Variants in CELF2 observed in about 807,000 individuals in gnomAD.
CELF2 encodes the protein CUG triplet repeat RNA-binding protein 2.
CELF2 carries 8 observed loss-of-function variants against 62.6 expected under a neutral mutation model. The observed-to-expected ratio is 0.13, with a 90% CI of 0.07 to 0.23. The LOEUF (loss-of-function observed/expected upper bound fraction) is 0.23. Among genes scored for constraint, CELF2 ranks in the 10% least tolerant of loss-of-function variants. CELF2 has a pLI of 1.00. For missense variants in CELF2, 333 were observed against 671.0 expected, an observed-to-expected ratio of 0.50 and a Z score of 5.56; for synonymous variants, 258 against 250.0, an observed-to-expected ratio of 1.03 and a Z score of -0.30.
intron 2 of CELF2, among the ~76,000 whole-genome samples, chr10:10,937,130 T>A (rs2077824852): frequency 7.0e-6 from 1 of 142,836 alleles, no homozygotes; most frequent in Admixed American, 6.9e-5. Context: ...TCTTTTTTTT[T>A]TTTTTTTTTT....
intron 1 of CELF2, among the ~76,000 whole-genome samples, chr10:10,815,276 T>TAAAG: frequency 6.6e-6 from 1 of 152,198 alleles, no homozygotes; most frequent in Non-Finnish European, 1.5e-5. Context: ...ATTTTACCTT[T>TAAAG]GGGCAACTGG....
chr10:11,144,785 G>A (rs924391255), intron 1 of CELF2, among the ~76,000 whole-genome samples: 18 of 151,474 alleles, frequency 1.2e-4, no homozygotes, highest in Admixed American at 5.9e-4. Flanking sequence ...CCAGCTACTC[G>A]GGAGGCTGAA....
intron 1 of CELF2, among the ~76,000 whole-genome samples, chr10:10,859,248 G>T (rs1395836551): frequency 6.6e-6 from 1 of 151,994 alleles, no homozygotes; most frequent in African/African-American, 2.4e-5. Flanking sequence ...TCAGACCAAG[G>T]CTTGGTTGAG....
At chr10:10,736,381 TTTCTTTCTTTCTTTC>T in the CELF2 span, among the ~76,000 whole-genome samples, 92 of 100,290 alleles carry the variant, frequency 9.2e-4, 1 homozygote, top group Non-Finnish European at 1.4e-3. Flanking sequence ...TCTTTCTTTC[TTTCTTTCTTTCTTTC>T]TTTTTTTTTT....
chr10:10,601,726 T>G, the CELF2 span, among the ~76,000 whole-genome samples: 1 of 140,948 alleles, frequency 7.1e-6, no homozygotes. Flanking sequence ...GGGTTCATTC[T>G]TTTTTTTTTT....
chr10:10,581,398 G>A, the CELF2 span, among the ~76,000 whole-genome samples: 48,022 of 152,006 alleles, frequency 0.32, 7,988 homozygotes, highest in East Asian at 0.6. Flanking sequence ...GGGAAGTCCA[G>A]AGTGCTAGAA....
At chr10:10,924,281 C>CAAAAAAAAAAAAAAAAA (rs11415164) in intron 2 of CELF2, among the ~76,000 whole-genome samples, 2 of 45,092 alleles carry the variant, frequency 4.4e-5, no homozygotes, top group African/African-American at 8.6e-5. Context: ...GACTCCGTCC[C>CAAAAAAAAAAAAAAAAA]AAAAAAAAAA....
In CELF2 at chr10:10,986,836, G is replaced by A. The variant is rs115090195; in HGVS notation, c.89+66837G>A. On this transcript the variant is annotated intron_variant, in intron 2 of 13. Transcript: ENST00000636488. ...TAGCGTCAGCACTACAAGGTCACGC[G>A]TTCTTACCACCAAATATAATGGGTT... 4.4e-3 allele frequency among the ~76,000 whole-genome samples: 675 copies of A among 152,286 alleles called. 3 individuals carry two copies. The highest frequency in any genetic ancestry group is 0.016 in the African/African-American group (645 of 41,578).
intron 2 of CELF2, among the ~76,000 whole-genome samples, chr10:11,208,139 C>T (rs2060884908): frequency 6.6e-6 from 1 of 152,014 alleles, no homozygotes; most frequent in Non-Finnish European, 1.5e-5. Context: ...GACTTGGGGG[C>T]AGCCTGCTAA....
At chr10:11,236,072 G>A (rs1403281804) in intron 3 of CELF2, among the ~76,000 whole-genome samples, 1 of 152,158 alleles carries the variant, frequency 6.6e-6, no homozygotes, top group Non-Finnish European at 1.5e-5. Context: ...CTTGCAGAGA[G>A]GTGGAAATGT....
upstream of CELF2, among the ~76,000 whole-genome samples, chr10:11,004,151 C>T (rs578093393): frequency 3.9e-4 from 60 of 152,164 alleles, no homozygotes; most frequent in Non-Finnish European, 1.5e-4. This position sits in a 1 kb window ranked among gnomAD's most constrained non-coding sequence, Gnocchi z 5.0. Flanking sequence ...AGGTGGGGAA[C>T]AGAGTCCACC....
rs1197484346 is a variant in CELF2 at position 11,227,642 on chromosome 10, A to G, written c.354+10135A>G. Among the ~76,000 whole-genome samples the G allele has an allele frequency of 6.6e-6, 1 of 152,112 alleles. No homozygotes were observed. The highest frequency in any genetic ancestry group is 2.4e-5 in the African/African-American group (1 of 41,398). On this transcript the variant is annotated intron_variant, in intron 3 of 12. Coordinates refer to ENST00000633077, the MANE Select transcript of CELF2 (RefSeq NM_001326342.2). The surrounding 1 kb of genome is among the most constrained non-coding windows in gnomAD (Gnocchi z 4.8). Reference sequence around the variant, plus strand: ...TTCGGCCGGAATCTAAGGGATAGAGATGTATCATGAGGTGGAAGCTCAGGC... The same window carrying G: ...TTCGGCCGGAATCTAAGGGATAGAGGTGTATCATGAGGTGGAAGCTCAGGC...
chr10:10,878,911 C>T (rs747405094), intron 1 of CELF2, among the ~76,000 whole-genome samples: 2 of 152,128 alleles, frequency 1.3e-5, no homozygotes, highest in Admixed American at 6.5e-5. Flanking sequence ...GGTTGATTCC[C>T]TCCCACCTCC....
the CELF2 span, among the ~76,000 whole-genome samples, chr10:10,513,579 G>T: frequency 9.2e-5 from 14 of 151,928 alleles, no homozygotes; most frequent in African/African-American, 3.1e-4. Flanking sequence ...TTTTATCCCA[G>T]GGCTTCAAGA....
chr10:10,868,539 G>T (rs779389371), intron 1 of CELF2, among the ~76,000 whole-genome samples: 4 of 152,230 alleles, frequency 2.6e-5, no homozygotes, highest in East Asian at 3.8e-4. Context: ...GTGCCAGTGG[G>T]TAAAGAAATA....
chr10:10,686,310 T>TTGGGGGGG, the CELF2 span, among the ~76,000 whole-genome samples: 1 of 69,754 alleles, frequency 1.4e-5, no homozygotes, highest in Non-Finnish European at 2.9e-5. Flanking sequence ...TTGGATTTTT[T>TTGGGGGGG]GGGGGGGGGG....
At chr10:10,874,740 A>C (rs1280658627) in intron 1 of CELF2, among the ~76,000 whole-genome samples, 1 of 152,196 alleles carries the variant, frequency 6.6e-6, no homozygotes, top group Non-Finnish European at 1.5e-5. Flanking sequence ...TAAAAATAAT[A>C]TATATTGGAA....
intron 1 of CELF2, among the ~76,000 whole-genome samples, chr10:10,912,840 T>G (rs1230267301): frequency 2.6e-5 from 4 of 152,226 alleles, no homozygotes; most frequent in Non-Finnish European, 4.4e-5. Context: ...GTTCAAATCC[T>G]GACTCTATCT....
chr10:11,186,589 T>C (rs1019749330), intron 2 of CELF2, among the ~76,000 whole-genome samples: 64 of 152,208 alleles, frequency 4.2e-4, no homozygotes, highest in Non-Finnish European at 5.6e-4. Context: ...CTGTGGGTTA[T>C]TCAGAATGTG....
Sources: allele counts gnomAD v4.1 joint callset (sites outside exome capture counted in the v4.1 genomes callset), GRCh38; gene constraint gnomAD v4.1.1; non-coding constraint Gnocchi (gnomAD v3.1); transcripts MANE v1.5; gene names NCBI Gene and HGNC (gene_info 2026-07-23, HGNC 2026-07-21).